The following FHIT variants were observed in gnomAD, a reference collection of about 807,000 sequenced individuals.
FHIT encodes the protein fragile histidine triad diadenosine triphosphatase.
A neutral mutation model predicts 17.9 loss-of-function variants in FHIT; 19 were observed. The observed-to-expected ratio is 1.06, with a 90% CI of 0.74 to 1.56. The LOEUF is 1.56. FHIT is among the 40% of genes most tolerant of loss of function. The probability of loss-of-function intolerance (pLI) is 0.00; values close to 1 mark genes in which losing one functional copy is unlikely to be tolerated. For synonymous variants in FHIT, 81 were observed against 69.7 expected (o/e 1.16, Z -0.81); for missense variants, 248 against 189.2 (o/e 1.31, Z -1.82).
At chr3:61,198,643 C>A (rs77798616) in intron 2 of FHIT, among the ~76,000 whole-genome samples, 2,426 of 152,136 alleles carry the variant, frequency 0.016, 57 homozygotes, top group African/African-American at 0.056. Context: ...TTGATGACAA[C>A]CAAGGAAGGT....
At chr3:60,801,388 G>A (rs1701181257) in intron 4 of FHIT, among the ~76,000 whole-genome samples, 1 of 152,166 alleles carries the variant, frequency 6.6e-6, no homozygotes, top group Non-Finnish European at 1.5e-5. Flanking sequence ...AATACAGAAA[G>A]GGAGACAAGA....
intron 2 of FHIT, among the ~76,000 whole-genome samples, chr3:61,171,244 T>G (rs1229696058): frequency 1.3e-5 from 2 of 152,202 alleles, no homozygotes; most frequent in African/African-American, 4.8e-5. Context: ...TGGCCGCATG[T>G]ATGTCTTCTT....
chr3:59,916,753 T>G (rs1011810404), intron 8 of FHIT, among the ~76,000 whole-genome samples: 1 of 152,212 alleles, frequency 6.6e-6, no homozygotes, highest in Non-Finnish European at 1.5e-5. Flanking sequence ...TTTGAGGTCA[T>G]AGGTCATTAA....
chr3:60,955,609 T>TATATATATAC (rs1559862247), intron 3 of FHIT, among the ~76,000 whole-genome samples: 2 of 9,146 alleles, frequency 2.2e-4, no homozygotes, highest in Non-Finnish European at 9.4e-4. Flanking sequence ...TATATATATA[T>TATATATATAC]ATATATATAT....
intron 4 of FHIT, among the ~76,000 whole-genome samples, chr3:60,637,578 C>G (rs1289261330): frequency 1.3e-5 from 2 of 152,170 alleles, no homozygotes; most frequent in African/African-American, 4.8e-5. Flanking sequence ...TTGTCACCAT[C>G]ATTATTCCTA....
At chr3:59,926,878 T>C (rs1327088319) in intron 7 of FHIT, among the ~76,000 whole-genome samples, 1 of 152,192 alleles carries the variant, frequency 6.6e-6, no homozygotes. Context: ...CTACTGGGGA[T>C]GTAAAATCAC....
intron 8 of FHIT, among the ~76,000 whole-genome samples, chr3:59,787,481 AACACACACACACACACACACACACACAC>A (rs58100812): frequency 1.4e-5 from 2 of 142,400 alleles, no homozygotes; most frequent in Non-Finnish European, 1.5e-5. Context: ...CAAGGGGCAA[AACACACACACACACACACACACACACAC>A]ACACACACAC....
At chr3:60,094,751 T>G (rs1703869216) in intron 5 of FHIT, among the ~76,000 whole-genome samples, 1 of 150,306 alleles carries the variant, frequency 6.7e-6, no homozygotes, top group Non-Finnish European at 1.5e-5. Flanking sequence ...GCTGGCACTG[T>G]GCCACCATTT....
chr3:59,774,451 C>T (rs1401523417), intron 8 of FHIT, among the ~76,000 whole-genome samples: 1 of 152,190 alleles, frequency 6.6e-6, no homozygotes, highest in African/African-American at 2.4e-5. Flanking sequence ...AGTTACCTCA[C>T]CTGCCTGTGC....
In FHIT at chr3:60,950,082, C is replaced by A. The variant is rs372010297; in HGVS notation, c.-111+91965G>T. 1.1e-4 allele frequency among the ~76,000 whole-genome samples: 16 copies of A among 152,282 alleles called. No homozygotes were observed. In the South Asian group the frequency reaches 2.3e-3, roughly 22 times the overall value. ...TCATAAAGTCATTGTGCATGCATTA[C>A]CTTTTCTATGTTTAGATATGCAACT... On this transcript the variant is annotated intron_variant, in intron 3 of 9. Transcript: ENST00000492590.
At position 60,841,273 on chromosome 3, in the gene FHIT, G is replaced by A. The variant is rs369197084; in HGVS notation, c.-110-19262C>T. 1.7e-3 allele frequency among the ~76,000 whole-genome samples: 256 copies of A among 152,240 alleles called. No homozygotes were observed. In the South Asian group the frequency reaches 0.036, roughly 21 times the overall value. On this transcript the variant is annotated intron_variant, in intron 3 of 9. Coordinates refer to ENST00000492590, the MANE Select transcript of FHIT (RefSeq NM_002012.4). ...AAATAAATTCCTGTTGAAAAGTAAC[G>A]GCATGCACTGTGTGTTAACATAATT...
At chr3:60,831,247 A>T (rs2736750) in intron 3 of FHIT, among the ~76,000 whole-genome samples, 2 of 152,210 alleles carry the variant, frequency 1.3e-5, no homozygotes, top group East Asian at 3.9e-4. Flanking sequence ...GCTGAAAAAC[A>T]TATGTTTTTA....
At chr3:60,060,040 T>C (rs917546498) in intron 5 of FHIT, among the ~76,000 whole-genome samples, 10 of 152,030 alleles carry the variant, frequency 6.6e-5, no homozygotes, top group African/African-American at 2.4e-4. Context: ...CCCAGATACA[T>C]GGGGGAAAAA....
intron 5 of FHIT, among the ~76,000 whole-genome samples, chr3:60,475,257 A>G (rs148887361): frequency 2.8e-4 from 43 of 152,302 alleles, no homozygotes; most frequent in African/African-American, 9.6e-4. Flanking sequence ...TGAAAAGGAG[A>G]CAAAGCAAAG....
intron 8 of FHIT, among the ~76,000 whole-genome samples, chr3:59,790,350 A>T (rs1699494729): frequency 2.0e-5 from 3 of 152,230 alleles, no homozygotes; most frequent in Admixed American, 2.0e-4. Context: ...AGTCAAGACC[A>T]CTAAGAGGTA....
intron 2 of FHIT, among the ~76,000 whole-genome samples, chr3:61,049,102 G>A (rs2033928211): frequency 6.6e-6 from 1 of 151,726 alleles, no homozygotes; most frequent in African/African-American, 2.4e-5. Context: ...TTGGGCACAT[G>A]TACCGTAGAA....
chr3:59,962,868 C>T (rs1707750690), intron 7 of FHIT, among the ~76,000 whole-genome samples: 1 of 152,198 alleles, frequency 6.6e-6, no homozygotes, highest in Non-Finnish European at 1.5e-5. Flanking sequence ...ATCAATTTTT[C>T]TAGCATATAT....
chr3:59,951,725 G>C (rs949339497), intron 7 of FHIT, among the ~76,000 whole-genome samples: 1 of 149,790 alleles, frequency 6.7e-6, no homozygotes, highest in Admixed American at 6.7e-5. Flanking sequence ...CCCACTGCTG[G>C]GATCAATGAT....
At chr3:59,795,742 CAATT>C (rs1331134990) in intron 8 of FHIT, among the ~76,000 whole-genome samples, 1 of 152,082 alleles carries the variant, frequency 6.6e-6, no homozygotes, top group Non-Finnish European at 1.5e-5. Flanking sequence ...ACAAAAAATA[CAATT>C]AATAAATAAA....
Sources: gnomAD v4.1 joint callset for allele counts (sites outside exome capture counted in the v4.1 genomes callset) on GRCh38, gnomAD v4.1.1 for gene constraint, MANE v1.5 for transcripts, NCBI Gene and HGNC (gene_info 2026-07-23, HGNC 2026-07-21) for gene names.